The following DIPK1B variants were observed in gnomAD, a reference collection of about 807,000 sequenced individuals.
DIPK1B encodes family with sequence similarity 69 member B.
A neutral mutation model predicts 20.7 loss-of-function variants in DIPK1B; 17 were observed. That is an observed-to-expected ratio of 0.82 (90% CI 0.56 to 1.23). The LOEUF is 1.23. DIPK1B is among the 50% of genes most tolerant of loss of function. DIPK1B has a pLI of 0.00. For synonymous variants in DIPK1B, 343 were observed against 276.5 expected, an observed-to-expected ratio of 1.24 and a Z score of -2.39; for missense variants, 648 against 601.8, an observed-to-expected ratio of 1.08 and a Z score of -0.80.
Position 136,722,842 on chromosome 9 carries a change from C to A in DIPK1B, c.484-120C>A, listed in dbSNP as rs1377224337. The stretch of plus-strand genomic sequence containing the variant: ...GTAGCTGTGGGCTGGGACCCCTAAC[C>A]TGGCAGATGTGCTGGTCTGGCCGGC... On this transcript the variant is annotated intron_variant, in intron 4 of 4. Coordinates refer to ENST00000371692, the MANE Select transcript of DIPK1B (RefSeq NM_152421.4). 3.9e-6 allele frequency: 4 copies of A among 1,024,422 alleles called. No individual in the cohort carries two copies. In the African/African-American group the frequency reaches 6.5e-5, roughly 17 times the overall value. The allele number at this position is 1,024,422 out of a possible 1,614,324, so 63.5% of individuals were successfully genotyped here.
At chr9:136,722,888 C>A in intron 4 of DIPK1B, 74 bp from the exon 5 acceptor site, 1 of 1,440,422 alleles carries the variant, frequency 6.9e-7, no homozygotes, top group South Asian at 1.4e-5. Context: ...GCCAGGAGGA[C>A]CAGGTAAAGG....
chr9:136,722,964 G>T lies in DIPK1B; in HGVS notation c.486G>T (p.Ala162=). 9 of 1,601,746 alleles carry T rather than the reference G, an allele frequency of 5.6e-6. No individual in the cohort carries two copies. The highest frequency in any genetic ancestry group is 7.7e-6 in the Non-Finnish European group (9 of 1,171,756). ...TTTCTTTTGGTCCCAAACGCCAGGC[G>T]AACCTGGGAGACCTGCCTTCCCTGC... ...FREMTLSFLK[A]NLGDLPSLPA... The change falls in exon 5 of 5, where the codon GCG becomes GCT. Residue 162 remains alanine (A), a splice_region_variant and synonymous_variant. Transcript: ENST00000371692.
In DIPK1B at chr9:136,712,764, T is replaced by C; in HGVS notation, c.63+36T>C. On this transcript the variant is annotated intron_variant, in intron 1 of 4. Coordinates refer to ENST00000371692, the MANE Select transcript of DIPK1B (RefSeq NM_152421.4). This position sits in a 1 kb window ranked among gnomAD's most constrained non-coding sequence, Gnocchi z 5.6. The stretch of plus-strand genomic sequence containing the variant: ...TGCGCGCCCGCCGCCCCCGGCCGCC[T>C]CTGCCTGGGGAGGCCGAGCTCCAGC... 7.7e-7 allele frequency: 1 copy of C among 1,300,862 alleles called. No individual in the cohort carries two copies. The allele number at this position is 1,300,862 out of a possible 1,614,324, so 80.6% of individuals were successfully genotyped here.
rs1378884751 is a variant in DIPK1B, at chr9:136,717,687, C to T, written c.174C>T (p.Arg58=). The part of the protein sequence containing the change: ...VHYSSYSERC[R]GHVCQVVICD... ...ACTCGTCCTACTCGGAGCGCTGTCG[C>T]GGCCATGTCTGCCAGGTGGTCATTG... Residue 58 remains arginine (R), a synonymous_variant, in exon 2 of 5, where the codon CGC becomes CGT. Coordinates refer to ENST00000371692, the MANE Select transcript of DIPK1B (RefSeq NM_152421.4). 2.8e-5 allele frequency: 45 copies of T among 1,610,870 alleles called. No homozygotes were observed. Among genetic ancestry groups the T allele is most frequent in the Admixed American group, 5.0e-5 (3 of 60,008 alleles).
intron 2 of DIPK1B, among the ~76,000 whole-genome samples, chr9:136,720,259 A>G (rs1300109267): frequency 6.6e-6 from 1 of 152,056 alleles, no homozygotes; most frequent in African/African-American, 2.4e-5. Context: ...TGCTGCCGGG[A>G]CAGACGCTGC....
At chr9:136,720,654 T>C (rs1224812427) in intron 2 of DIPK1B, among the ~76,000 whole-genome samples, 3 of 152,154 alleles carry the variant, frequency 2.0e-5, no homozygotes, top group Non-Finnish European at 4.4e-5. Flanking sequence ...AGGGGGCCTG[T>C]GGGACAGGGA....
rs1262984454 is a variant in DIPK1B at position 136,723,699 on chromosome 9, G to A, written c.1221G>A (p.Glu407=). Residue 407 remains glutamate (E), a synonymous_variant, in exon 5 of 5, where the codon GAG becomes GAA. Transcript: ENST00000371692. ...TGAGCGGGCTGGCCAGCCAGGTGGA[G>A]GCCCATCACTCGCTGGTGCTCAGCC... is the stretch of plus-strand genomic sequence containing the variant. ...TTLSGLASQV[E]AHHSLVLSHL... is the part of the protein sequence containing the mutation. 3.9e-6 allele frequency: 6 copies of A among 1,539,384 alleles called. No homozygotes were observed. The highest frequency in any genetic ancestry group is 2.6e-6 in the Non-Finnish European group (3 of 1,147,398).
At chr9:136,722,103 G>T in intron 3 of DIPK1B, 22 bp from the exon 4 acceptor site, 1 of 1,613,746 alleles carries the variant, frequency 6.2e-7, no homozygotes, top group South Asian at 1.1e-5. Flanking sequence ...TCTGCACGGA[G>T]GACCTCTGTG....
Position 136,723,503 on chromosome 9 carries a change from A to G in DIPK1B, c.1025A>G (p.Tyr342Cys), listed in dbSNP as rs1321352939. ...RRCEHSTDCT[Y>C]GRDCRAPCDR... ...TGCGAGCACAGCACCGACTGCACCTACGGGCGCGACTGCAGGGCCCCGTGT... is the reference window on the plus strand; with the variant it reads ...TGCGAGCACAGCACCGACTGCACCTGCGGGCGCGACTGCAGGGCCCCGTGT... The change falls in exon 5 of 5, where the codon TAC (tyrosine) becomes TGC (cysteine). Residue 342 changes from tyrosine (Y) to cysteine (C), a missense_variant. Transcript: ENST00000371692. The G allele has an allele frequency of 2.5e-6, 4 of 1,605,564 alleles. No individual in the cohort carries two copies. The highest frequency in any genetic ancestry group is 2.7e-5 in the African/African-American group (2 of 74,804).
intron 2 of DIPK1B, among the ~76,000 whole-genome samples, chr9:136,719,291 C>T (rs922178815): frequency 2.6e-5 from 4 of 152,118 alleles, no homozygotes; most frequent in African/African-American, 9.7e-5. Context: ...GGTGCCCTGG[C>T]CCTTTGCCCA....
chr9:136,712,818 C>T lies in DIPK1B; in HGVS notation c.63+90C>T. ...GGAGTGGGCCGAGTACGGAGCGGGG[C>T]CCCGGGTTCGGACACGAAGGGTTCA... is the stretch of plus-strand genomic sequence containing the variant. On this transcript the variant is annotated intron_variant, in intron 1 of 4. Transcript: ENST00000371692. This position sits in a 1 kb window ranked among gnomAD's most constrained non-coding sequence, Gnocchi z 5.6. The T allele has an allele frequency of 1.0e-6, 1 of 978,228 alleles. No individual in the cohort carries two copies. The allele number at this position is 978,228 out of a possible 1,614,324, so 60.6% of individuals were successfully genotyped here.
chr9:136,721,765 GCA>G, intron 2 of DIPK1B, 154 bp from the exon 3 acceptor site: 1 of 655,564 alleles, frequency 1.5e-6, no homozygotes, highest in Non-Finnish European at 2.6e-6. Flanking sequence ...GCCACCAATG[GCA>G]TGACCCAGGG....
At chr9:136,719,885 A>C (rs1171644937) in intron 2 of DIPK1B, among the ~76,000 whole-genome samples, 1 of 146,610 alleles carries the variant, frequency 6.8e-6, no homozygotes, top group East Asian at 2.0e-4. Context: ...CTCCGGGCGC[A>C]GGGGCTGTGT....
At chr9:136,713,851 G>A (rs1030922278) in intron 1 of DIPK1B, among the ~76,000 whole-genome samples, 1 of 152,244 alleles carries the variant, frequency 6.6e-6, no homozygotes, top group African/African-American at 2.4e-5. Context: ...CTGGCCTTGT[G>A]AACTGCTTTT....
intron 4 of DIPK1B, 63 bp from the exon 5 acceptor site, chr9:136,722,899 C>T: frequency 1.3e-6 from 2 of 1,485,248 alleles, no homozygotes; most frequent in Non-Finnish European, 1.8e-6. Context: ...CAGGTAAAGG[C>T]CAGGTCGTGC....
At position 136,723,673 on chromosome 9, in the gene DIPK1B, C is replaced by G. The variant is rs1564312246; in HGVS notation, c.1195C>G (p.Leu399Val). ...CACACAGCTGCGCACCTGTACCACG[C>G]TGAGCGGGCTGGCCAGCCAGGTGGA... is the stretch of plus-strand genomic sequence containing the variant. ...LGTQLRTCTT[L>V]SGLASQVEAH... The change falls in exon 5 of 5, where the codon CTG (leucine) becomes GTG (valine). Residue 399 changes from leucine to valine, a missense_variant. Physicochemically the swap from Leu to Val is conservative, Grantham distance 32 (BLOSUM62 1). Coordinates refer to ENST00000371692, the MANE Select transcript of DIPK1B (RefSeq NM_152421.4). 6.5e-7 allele frequency: 1 copy of G among 1,546,384 alleles called. No homozygotes were observed. Among genetic ancestry groups the G allele is most frequent in the South Asian group, 1.2e-5 (1 of 84,448 alleles).
At chr9:136,719,897 A>C (rs1179129829) in intron 2 of DIPK1B, among the ~76,000 whole-genome samples, 1 of 109,398 alleles carries the variant, frequency 9.1e-6, no homozygotes, top group Non-Finnish European at 2.0e-5. Context: ...GGGCTGTGTG[A>C]TCTGGGGCTC....
At chr9:136,719,915 AG>A (rs1333331606) in intron 2 of DIPK1B, among the ~76,000 whole-genome samples, 4 of 34,356 alleles carry the variant, frequency 1.2e-4, no homozygotes, top group African/African-American at 1.8e-4. Flanking sequence ...CTCCGAGTGC[AG>A]GGGGCTGTGT....
intron 2 of DIPK1B, among the ~76,000 whole-genome samples, chr9:136,718,679 C>T (rs759056969): frequency 6.6e-6 from 1 of 152,192 alleles, no homozygotes; most frequent in African/African-American, 2.4e-5. Flanking sequence ...GCAGCGGCCA[C>T]TGTGGGTTGT....
Sources: gnomAD v4.1 joint callset for allele counts (sites outside exome capture counted in the v4.1 genomes callset) on GRCh38, gnomAD v4.1.1 for gene constraint, Gnocchi (gnomAD v3.1) non-coding constraint, MANE v1.5 for transcripts, NCBI Gene and HGNC (gene_info 2026-07-23, HGNC 2026-07-21) for gene names.